CTNNA3: variants seen among roughly 807,000 people sequenced by gnomAD.
CTNNA3 encodes catenin alpha-3.
CTNNA3 carries 76 observed loss-of-function variants against 95.7 expected under a neutral mutation model. That is an observed-to-expected ratio of 0.79 (90% confidence interval 0.66 to 0.96). The LOEUF (loss-of-function observed/expected upper bound fraction) is 0.96, where lower values mean the gene tolerates loss of function less well. Ranked by LOEUF, CTNNA3 falls within the 40% of genes least tolerant of loss-of-function variation. The pLI is 0.00. For missense variants in CTNNA3, 1,191 were observed against 1,089.8 expected (o/e 1.09, Z -1.31); for synonymous variants, 431 against 374.4 (o/e 1.15, Z -1.74).
chr10:67,128,756 G>T (rs868277143), intron 7 of CTNNA3, among the ~76,000 whole-genome samples: 80 of 152,028 alleles, frequency 5.3e-4, no homozygotes, highest in Middle Eastern at 6.8e-3. Flanking sequence ...GGTGTCCTGA[G>T]CATAAAATAT....
intron 13 of CTNNA3, among the ~76,000 whole-genome samples, chr10:66,126,262 T>A (rs529844560): frequency 6.6e-6 from 1 of 152,362 alleles, no homozygotes; most frequent in African/African-American, 2.4e-5. Flanking sequence ...ACTAGTGTAC[T>A]GAAATTAAAC....
chr10:67,635,068 T>A (rs1839261221), intron 2 of CTNNA3, among the ~76,000 whole-genome samples: 1 of 151,874 alleles, frequency 6.6e-6, no homozygotes, highest in African/African-American at 2.4e-5. Context: ...CTAGAAAATC[T>A]AGAAGAAATG....
intron 11 of CTNNA3, among the ~76,000 whole-genome samples, chr10:66,502,794 A>G (rs1178048821): frequency 6.6e-6 from 1 of 152,110 alleles, no homozygotes; most frequent in Admixed American, 6.6e-5. Flanking sequence ...AGTTTCTTCA[A>G]TAAACCTAGA....
chr10:67,347,514 GTAC>G (rs747987818), intron 5 of CTNNA3, among the ~76,000 whole-genome samples: 3 of 152,122 alleles, frequency 2.0e-5, no homozygotes, highest in Admixed American at 6.6e-5. Context: ...TCTGTGCCGT[GTAC>G]TACTATGTTA....
chr10:67,718,534 C>T (rs893457205), intron 1 of CTNNA3, among the ~76,000 whole-genome samples: 3 of 152,102 alleles, frequency 2.0e-5, no homozygotes, highest in East Asian at 1.9e-4. Flanking sequence ...TAAATTTTAT[C>T]GAAGGCCTTT....
chr10:66,483,756 C>G (rs1472415961), intron 11 of CTNNA3, among the ~76,000 whole-genome samples: 3 of 152,056 alleles, frequency 2.0e-5, no homozygotes, highest in African/African-American at 7.2e-5. Flanking sequence ...TGAAATTACT[C>G]TAACACCAAT....
intron 5 of CTNNA3, among the ~76,000 whole-genome samples, chr10:67,239,003 A>G (rs1055423632): frequency 4.6e-5 from 7 of 152,214 alleles, no homozygotes; most frequent in Non-Finnish European, 8.8e-5. Context: ...GATTACTCCA[A>G]GAAATAAAAC....
chr10:66,912,321 C>T (rs962974966), intron 7 of CTNNA3, among the ~76,000 whole-genome samples: 1 of 151,608 alleles, frequency 6.6e-6, no homozygotes, highest in Non-Finnish European at 1.5e-5. Flanking sequence ...GCAAAGTATT[C>T]CAAAGCATAA....
intron 13 of CTNNA3, 73 bp from the exon 14 acceptor site, chr10:66,103,322 A>G (rs2081730186): frequency 8.8e-7 from 1 of 1,137,874 alleles, no homozygotes; most frequent in African/African-American, 1.5e-5. Context: ...ACGCGGCAGT[A>G]CCTTAAAAGG....
intron 7 of CTNNA3, among the ~76,000 whole-genome samples, chr10:67,172,334 T>G (rs1589820658): frequency 1.3e-5 from 2 of 152,188 alleles, no homozygotes; most frequent in East Asian, 3.9e-4. Flanking sequence ...TGTTAGTACT[T>G]TGAAACCACC....
chr10:66,765,685 C>T (rs1839818408), intron 9 of CTNNA3, among the ~76,000 whole-genome samples: 1 of 152,150 alleles, frequency 6.6e-6, no homozygotes, highest in African/African-American at 2.4e-5. Flanking sequence ...TTCACAGCTC[C>T]TTCAGCAATA....
chr10:66,578,687 A>G (rs1843083233), intron 10 of CTNNA3, among the ~76,000 whole-genome samples: 1 of 152,016 alleles, frequency 6.6e-6, no homozygotes, highest in Non-Finnish European at 1.5e-5. Flanking sequence ...ACCGTAAATT[A>G]ACTTTTTGAT....
chr10:66,644,046 C>G (rs1564589424), intron 9 of CTNNA3, among the ~76,000 whole-genome samples: 1 of 151,972 alleles, frequency 6.6e-6, no homozygotes, highest in Non-Finnish European at 1.5e-5. Context: ...TCACTTGAGC[C>G]TGGGAGTTCG....
intron 5 of CTNNA3, among the ~76,000 whole-genome samples, chr10:67,308,085 C>A (rs763956242): frequency 4.6e-5 from 7 of 152,168 alleles, no homozygotes; most frequent in Non-Finnish European, 1.0e-4. Context: ...TCATGTTCTC[C>A]ATGACAGGAA....
rs1847302120 is a variant in CTNNA3, at chr10:67,459,595, A to G, written c.579+62247T>C. On this transcript the variant is annotated intron_variant, in intron 5 of 17. Coordinates refer to ENST00000433211, the MANE Select transcript of CTNNA3 (RefSeq NM_013266.4). ...TGGACATGAATAAGATTTAGAATTCATGACTGTCTGTGACATGTCCTGAAA... is the reference window on the plus strand; with the variant it reads ...TGGACATGAATAAGATTTAGAATTCGTGACTGTCTGTGACATGTCCTGAAA... Among the ~76,000 whole-genome samples the G allele has an allele frequency of 2.0e-5, 3 of 152,328 alleles. No homozygotes were observed. In the East Asian group the frequency reaches 5.8e-4, roughly 29 times the overall value.
At chr10:67,527,497 G>C (rs937621944) in intron 4 of CTNNA3, among the ~76,000 whole-genome samples, 3 of 152,192 alleles carry the variant, frequency 2.0e-5, no homozygotes, top group Admixed American at 6.5e-5. Flanking sequence ...CATCTGAACT[G>C]GTTCAGCTTA....
At chr10:66,200,203 G>A (rs2087306365) in intron 13 of CTNNA3, among the ~76,000 whole-genome samples, 2 of 148,330 alleles carry the variant, frequency 1.3e-5, no homozygotes, top group South Asian at 4.5e-4. Context: ...TGGTTTCATG[G>A]AGAAGAGGAG....
At chr10:66,803,067 C>T (rs942973541) in intron 7 of CTNNA3, among the ~76,000 whole-genome samples, 1 of 151,914 alleles carries the variant, frequency 6.6e-6, no homozygotes, top group Non-Finnish European at 1.5e-5. Context: ...TTTCAAAACA[C>T]ATCAAACTGT....
Position 67,012,074 on chromosome 10 carries a change from A to G in CTNNA3, c.1047+168243T>C, listed in dbSNP as rs76121352. On this transcript the variant is annotated intron_variant, in intron 7 of 17. Transcript: ENST00000433211. ...TTATGGTAACTTGCCAAAAATCACA[A>G]GCTCCGTAGATACAAGTCAAACACA... 7.8e-3 allele frequency among the ~76,000 whole-genome samples: 1,184 copies of G among 152,292 alleles called. 42 individuals are homozygous for G. The East Asian group carries it at 0.11, about 14-fold the overall frequency.
Sources: allele counts gnomAD v4.1 joint callset (sites outside exome capture counted in the v4.1 genomes callset), GRCh38; gene constraint gnomAD v4.1.1; transcripts MANE v1.5; gene names NCBI Gene and HGNC (gene_info 2026-07-23, HGNC 2026-07-21).